SH3RF3: variants seen among roughly 807,000 people sequenced by gnomAD.
SH3RF3 encodes E3 ubiquitin-protein ligase SH3RF3.
A neutral mutation model predicts 66.3 loss-of-function variants in SH3RF3; 29 were observed. The ratio of observed to expected loss-of-function variants is 0.44; its 90% CI spans 0.33 to 0.60. The LOEUF is 0.60. Ranked by LOEUF, SH3RF3 falls within the 20% of genes least tolerant of loss-of-function variation. The probability of loss-of-function intolerance (pLI) is 0.04; values close to 1 mark genes in which losing one functional copy is unlikely to be tolerated. For missense variants in SH3RF3, 1,194 were observed against 1,190.9 expected (o/e 1.00, Z -0.04); for synonymous variants, 583 against 532.0 (o/e 1.10, Z -1.32).
In SH3RF3 at chr2:109,129,999, GGGC is replaced by G; in HGVS notation, c.464_466del (p.Gly155del). 2 of 1,296,192 alleles carry G rather than the reference GGGC, an allele frequency of 1.5e-6. No homozygotes were observed. Among genetic ancestry groups the G allele is most frequent in the Non-Finnish European group, 1.9e-6 (2 of 1,026,840 alleles). The allele number at this position is 1,296,192 out of a possible 1,614,324, so 80.3% of individuals were successfully genotyped here. ...CGGCCCCCACGCTCGCGGGCGGCGG[GGGC>G]GGCGCGGCAGGCAGCACCCCGGGTT... On this transcript the variant is annotated inframe_deletion, in exon 1 of 10. Transcript: ENST00000309415.
intron 8 of SH3RF3, among the ~76,000 whole-genome samples, chr2:109,458,600 G>GAGAGAGAGAGAGAGAGAGAGAGAGAGAT (rs1678129291): frequency 6.6e-6 from 1 of 150,680 alleles, no homozygotes; most frequent in African/African-American, 2.5e-5. Flanking sequence ...GAGAGAGAGA[G>GAGAGAGAGAGAGAGAGAGAGAGAGAGAT]AATTTATTTA....
intron 1 of SH3RF3, among the ~76,000 whole-genome samples, chr2:109,196,952 C>T (rs1286027323): frequency 2.0e-5 from 3 of 152,154 alleles, no homozygotes; most frequent in African/African-American, 4.8e-5. Flanking sequence ...CTACACAGTG[C>T]GCCCCTGTGC....
Position 109,312,842 on chromosome 2 carries a change from A to G in SH3RF3, c.574-34832A>G, listed in dbSNP as rs1681762767. Among the ~76,000 whole-genome samples, 4 of 152,294 alleles carry G rather than the reference A, an allele frequency of 2.6e-5. No homozygotes were observed. The South Asian group carries it at 8.3e-4, about 32-fold the overall frequency. Reference sequence around the variant, plus strand: ...GAGCTGCACTTAACATTTGGGTACAAACATTTGCTTGAACACCTGTCTTAG... The same window carrying G: ...GAGCTGCACTTAACATTTGGGTACAGACATTTGCTTGAACACCTGTCTTAG... On this transcript the variant is annotated intron_variant, in intron 1 of 9. Transcript: ENST00000309415.
At chr2:109,418,975 G>C (rs1047397604) in intron 4 of SH3RF3, among the ~76,000 whole-genome samples, 6 of 152,108 alleles carry the variant, frequency 3.9e-5, no homozygotes, top group Admixed American at 3.9e-4. Context: ...CACCCCTGAT[G>C]CTGACCGTTC....
intron 9 of SH3RF3, among the ~76,000 whole-genome samples, chr2:109,493,418 ATGCAAACACAGACTACACACATG>A (rs1188651857): frequency 1.5e-4 from 22 of 151,452 alleles, no homozygotes; most frequent in African/African-American, 1.7e-4. Context: ...CACATACATC[ATGCAAACACAGACTACACACATG>A]TGCAAACACA....
At chr2:109,212,050 G>A (rs1432381273) in intron 1 of SH3RF3, among the ~76,000 whole-genome samples, 2 of 152,232 alleles carry the variant, frequency 1.3e-5, no homozygotes, top group African/African-American at 4.8e-5. Flanking sequence ...TGGGCTTTGC[G>A]GAATTCCAGG....
intron 9 of SH3RF3, among the ~76,000 whole-genome samples, chr2:109,491,486 C>T (rs1416338268): frequency 2.6e-5 from 4 of 152,180 alleles, no homozygotes; most frequent in South Asian, 2.1e-4. Context: ...TCATTCATTT[C>T]GATGCTTACT....
chr2:109,246,213 A>G (rs1679911645), intron 1 of SH3RF3, among the ~76,000 whole-genome samples: 1 of 152,226 alleles, frequency 6.6e-6, no homozygotes, highest in Non-Finnish European at 1.5e-5. Context: ...CCGTAAACGC[A>G]GTGGTTTAAA....
chr2:109,460,143 C>T (rs1291809029), intron 8 of SH3RF3, among the ~76,000 whole-genome samples: 1 of 152,222 alleles, frequency 6.6e-6, no homozygotes, highest in Non-Finnish European at 1.5e-5. Flanking sequence ...GAGTGAGCTC[C>T]TCAGTCAGAA....
intron 1 of SH3RF3, among the ~76,000 whole-genome samples, chr2:109,154,345 G>A (rs561252806): frequency 2.0e-5 from 3 of 152,292 alleles, no homozygotes; most frequent in Admixed American, 2.0e-4. Flanking sequence ...CATGGAGGGG[G>A]TGGTTTTGGG....
rs1677804328 is a variant in SH3RF3 at position 109,449,412 on chromosome 2, G to C, written c.2071G>C (p.Gly691Arg). 1.9e-6 allele frequency: 3 copies of C among 1,613,422 alleles called. No homozygotes were observed. The African/African-American group carries it at 4.0e-5, about 22-fold the overall frequency. Residue 691 changes from glycine to arginine, a missense_variant, in exon 8 of 10, where the codon GGG (glycine) becomes CGG (arginine). Coordinates refer to ENST00000309415, the MANE Select transcript of SH3RF3 (RefSeq NM_001099289.3). The part of the protein sequence containing the change: ...SAANLNGEAG[G>R]GPIGVLSTSS... ...CGCAAACCTCAACGGGGAGGCTGGA[G>C]GGGGGCCCATCGGTGTTCTGTCCAC... is the stretch of plus-strand genomic sequence containing the variant.
At chr2:109,161,158 A>G (rs572178813) in intron 1 of SH3RF3, among the ~76,000 whole-genome samples, 1 of 152,324 alleles carries the variant, frequency 6.6e-6, no homozygotes, top group South Asian at 2.1e-4. Context: ...AGCATGAGCA[A>G]TGCCAACAAG....
At chr2:109,409,097 G>A (rs887137328) in intron 4 of SH3RF3, among the ~76,000 whole-genome samples, 12 of 152,214 alleles carry the variant, frequency 7.9e-5, no homozygotes, top group Non-Finnish European at 1.6e-4. Context: ...TCACCAAACT[G>A]GAGTCGGGTT....
intron 1 of SH3RF3, among the ~76,000 whole-genome samples, chr2:109,296,453 G>A (rs1211545111): frequency 2.0e-5 from 3 of 151,852 alleles, no homozygotes; most frequent in African/African-American, 2.4e-5. Flanking sequence ...TGTTGTTCAA[G>A]CTGGTCTCAA....
At chr2:109,272,316 G>A (rs1461107702) in intron 1 of SH3RF3, among the ~76,000 whole-genome samples, 1 of 152,206 alleles carries the variant, frequency 6.6e-6, no homozygotes, top group Non-Finnish European at 1.5e-5. Context: ...CATCCCCTGA[G>A]GGTACCTCTG....
chr2:109,150,683 C>G (rs1677207373), intron 1 of SH3RF3, among the ~76,000 whole-genome samples: 1 of 152,020 alleles, frequency 6.6e-6, no homozygotes, highest in Non-Finnish European at 1.5e-5. Flanking sequence ...TCTGGCTCTA[C>G]ATTTCTGGGG....
At chr2:109,221,924 T>G (rs1288609512) in intron 1 of SH3RF3, among the ~76,000 whole-genome samples, 1 of 151,822 alleles carries the variant, frequency 6.6e-6, no homozygotes, top group African/African-American at 2.4e-5. Context: ...ATTGCAGCAC[T>G]AGTCACAATA....
intron 8 of SH3RF3, among the ~76,000 whole-genome samples, chr2:109,454,846 A>G (rs1677994473): frequency 6.6e-6 from 1 of 152,096 alleles, no homozygotes; most frequent in Non-Finnish European, 1.5e-5. Context: ...TGATGATTGT[A>G]GACTAAAGAG....
At chr2:109,351,887 G>GT (rs1682847095) in intron 2 of SH3RF3, among the ~76,000 whole-genome samples, 1 of 152,232 alleles carries the variant, frequency 6.6e-6, no homozygotes, top group African/African-American at 2.4e-5. Context: ...GCTGCTGAAT[G>GT]TTTAATCATT....
Sources: allele counts gnomAD v4.1 joint callset (sites outside exome capture counted in the v4.1 genomes callset), GRCh38; gene constraint gnomAD v4.1.1; transcripts MANE v1.5; gene names NCBI Gene and HGNC (gene_info 2026-07-23, HGNC 2026-07-21).